GALNT13: variants seen among roughly 807,000 people sequenced by gnomAD.
GALNT13 encodes the protein polypeptide N-acetylgalactosaminyltransferase 13, also known as UDP-GalNAc:polypeptide N-acetylgalactosaminyltransferase 13.
A neutral mutation model predicts 64.2 loss-of-function variants in GALNT13; 28 were observed. The observed-to-expected ratio is 0.44, with a 90% CI of 0.32 to 0.60. GALNT13 has a LOEUF of 0.60. GALNT13 is among the 20% of genes least tolerant of loss of function. The probability of loss-of-function intolerance (pLI) is 0.05; values close to 1 mark genes in which losing one functional copy is unlikely to be tolerated. For missense variants in GALNT13, 577 were observed against 669.8 expected, an observed-to-expected ratio of 0.86 and a Z score of 1.53; for synonymous variants, 214 against 224.6, an observed-to-expected ratio of 0.95 and a Z score of 0.42.
At chr2:153,350,277 A>G in the GALNT13 span, among the ~76,000 whole-genome samples, 1 of 152,114 alleles carries the variant, frequency 6.6e-6, no homozygotes, top group Non-Finnish European at 1.5e-5. Context: ...CCAGAATTGC[A>G]TACCTCACAA....
the GALNT13 span, among the ~76,000 whole-genome samples, chr2:153,400,472 G>C: frequency 1.3e-5 from 2 of 152,098 alleles, no homozygotes; most frequent in African/African-American, 4.8e-5. Context: ...CTCTTTTTCT[G>C]TTGATTGGAA....
intron 3 of GALNT13, among the ~76,000 whole-genome samples, chr2:154,056,459 A>G (rs1699898688): frequency 6.6e-6 from 1 of 152,192 alleles, no homozygotes; most frequent in Non-Finnish European, 1.5e-5. Flanking sequence ...ATGCCATGAT[A>G]ACTTCAGACT....
chr2:153,247,591 C>G, the GALNT13 span, among the ~76,000 whole-genome samples: 2 of 151,674 alleles, frequency 1.3e-5, no homozygotes, highest in African/African-American at 4.8e-5. Flanking sequence ...ATTTATAGCA[C>G]TAAATGCCCA....
chr2:154,179,012 A>G (rs529101498), intron 4 of GALNT13, among the ~76,000 whole-genome samples: 1 of 152,288 alleles, frequency 6.6e-6, no homozygotes, highest in Admixed American at 6.5e-5. Flanking sequence ...GTTTTTTCTT[A>G]CTGATAAAAC....
chr2:154,412,658 C>A (rs1481685091), intron 11 of GALNT13, among the ~76,000 whole-genome samples: 1 of 151,628 alleles, frequency 6.6e-6, no homozygotes, highest in Non-Finnish European at 1.5e-5. Flanking sequence ...AAGAAACTTA[C>A]TTTTCAGTAG....
At chr2:153,785,847 C>G in the GALNT13 span, among the ~76,000 whole-genome samples, 2 of 152,144 alleles carry the variant, frequency 1.3e-5, no homozygotes, top group African/African-American at 4.8e-5. Context: ...CTTGCTGTCT[C>G]CAGGCTCCGG....
At chr2:153,530,114 A>G in the GALNT13 span, among the ~76,000 whole-genome samples, 1 of 152,114 alleles carries the variant, frequency 6.6e-6, no homozygotes, top group African/African-American at 2.4e-5. Flanking sequence ...TAAGTTATCC[A>G]TGTTTGCAGA....
chr2:153,629,252 A>G, the GALNT13 span, among the ~76,000 whole-genome samples: 29,070 of 151,046 alleles, frequency 0.19, 2,969 homozygotes, highest in African/African-American at 0.24. Context: ...AGACTATACT[A>G]CAAGGCTACA....
chr2:153,782,270 C>T, the GALNT13 span, among the ~76,000 whole-genome samples: 7 of 152,142 alleles, frequency 4.6e-5, no homozygotes, highest in Non-Finnish European at 1.0e-4. Flanking sequence ...TTCAGAGATA[C>T]ATTTTACACA....
intron 3 of GALNT13, among the ~76,000 whole-genome samples, chr2:154,021,194 G>C (rs1173279067): frequency 6.6e-6 from 1 of 152,016 alleles, no homozygotes; most frequent in Non-Finnish European, 1.5e-5. Flanking sequence ...GCTCTTTTTT[G>C]GTTCCATATG....
chr2:153,696,280 A>C, the GALNT13 span, among the ~76,000 whole-genome samples: 2 of 152,176 alleles, frequency 1.3e-5, no homozygotes, highest in African/African-American at 2.4e-5. Context: ...TGGGAGAAAG[A>C]TGAAGGCCAG....
At chr2:154,190,900 G>A (rs1188698345) in intron 4 of GALNT13, among the ~76,000 whole-genome samples, 2 of 152,126 alleles carry the variant, frequency 1.3e-5, no homozygotes, top group Admixed American at 1.3e-4. Flanking sequence ...TGTCTGATGA[G>A]ATACTTTATA....
rs560505050 is a variant in GALNT13 at position 153,939,181 on chromosome 2, G to T, written c.-104-5213G>T. On this transcript the variant is annotated intron_variant, in intron 2 of 12. Transcript: ENST00000392825. ...TTTATATAGGCTGATAGGAAAGCTCGTGGTGATGTGACATTTGAGCAGGAA... is the reference window on the plus strand; with the variant it reads ...TTTATATAGGCTGATAGGAAAGCTCTTGGTGATGTGACATTTGAGCAGGAA... 1.2e-4 allele frequency among the ~76,000 whole-genome samples: 19 copies of T among 152,258 alleles called. 1 individual carries two copies. The South Asian group carries it at 3.9e-3, about 32-fold the overall frequency.
At chr2:154,164,829 C>T (rs567758397) in intron 4 of GALNT13, among the ~76,000 whole-genome samples, 7 of 151,982 alleles carry the variant, frequency 4.6e-5, no homozygotes, top group Admixed American at 2.0e-4. Flanking sequence ...AAAAAATCGA[C>T]CAGGTTTATA....
chr2:153,504,009 C>T, the GALNT13 span, among the ~76,000 whole-genome samples: 30 of 152,118 alleles, frequency 2.0e-4, no homozygotes, highest in African/African-American at 7.2e-4. Flanking sequence ...TTCTACCCAT[C>T]CACAAGCATG....
intron 4 of GALNT13, among the ~76,000 whole-genome samples, chr2:154,215,305 G>C (rs1687983768): frequency 6.6e-6 from 1 of 152,064 alleles, no homozygotes; most frequent in African/African-American, 2.4e-5. Context: ...TTCCAATCTA[G>C]TTTTTACTGC....
chr2:154,179,629 T>C (rs960707467), intron 4 of GALNT13, among the ~76,000 whole-genome samples: 4 of 152,092 alleles, frequency 2.6e-5, no homozygotes, highest in Non-Finnish European at 5.9e-5. Context: ...ATTTGAAATA[T>C]AATGTCTTGG....
intron 11 of GALNT13, among the ~76,000 whole-genome samples, chr2:154,421,206 G>T (rs1313617067): frequency 6.6e-6 from 1 of 151,938 alleles, no homozygotes; most frequent in Non-Finnish European, 1.5e-5. Context: ...GAAGATATTT[G>T]ATATATTTTA....
At chr2:153,264,651 G>C in the GALNT13 span, among the ~76,000 whole-genome samples, 1 of 152,206 alleles carries the variant, frequency 6.6e-6, no homozygotes, top group African/African-American at 2.4e-5. Flanking sequence ...CATGAATGAA[G>C]CTGGAAGCCA....
Sources: allele counts gnomAD v4.1 joint callset (sites outside exome capture counted in the v4.1 genomes callset), GRCh38; gene constraint gnomAD v4.1.1; transcripts MANE v1.5; gene names NCBI Gene and HGNC (gene_info 2026-07-23, HGNC 2026-07-21).